Variants in S100A13 observed in about 807,000 individuals in gnomAD.
S100A13 encodes protein S100-A13.
S100A13 carries 6 observed loss-of-function variants against 8.2 expected under a neutral mutation model. That is an observed-to-expected ratio of 0.73 (90% CI 0.40 to 1.44). The LOEUF is 1.44. S100A13 is among the 40% of genes most tolerant of loss of function. The pLI, the probability that S100A13 is intolerant of heterozygous loss-of-function variation, is 0.02. For synonymous variants in S100A13, 39 were observed against 45.9 expected (o/e 0.85, Z 0.61); for missense variants, 114 against 113.6 (o/e 1.00, Z -0.02).
upstream of S100A13, chr1:153,632,957 G>A (rs1166114978): frequency 1.3e-5 from 2 of 152,040 alleles, no homozygotes; most frequent in African/African-American, 2.4e-5. Flanking sequence ...ATCACTTGAG[G>A]TCAGGAGTTG....
At chr1:153,630,792 C>G (rs533528515), upstream of S100A13, 1 of 1,282,828 alleles carries the variant, frequency 7.8e-7, no homozygotes, top group East Asian at 2.5e-5. Flanking sequence ...CCAGGCTTCT[C>G]TCCTGGGTTT....
At chr1:153,628,240 G>C, upstream of S100A13, 1 of 1,541,108 alleles carries the variant, frequency 6.5e-7, no homozygotes, top group East Asian at 2.4e-5. Flanking sequence ...ACTGCTGCCT[G>C]GAGAGAAAGG....
chr1:153,628,286 C>T (rs1033876069), upstream of S100A13: 13 of 1,515,628 alleles, frequency 8.6e-6, no homozygotes, highest in Middle Eastern at 2.0e-4. Context: ...AGACAAGGGC[C>T]GCCTGTTCCA....
upstream of S100A13, chr1:153,634,033 A>G (rs1229081654): frequency 6.6e-6 from 1 of 152,598 alleles, no homozygotes; most frequent in African/African-American, 2.4e-5. Flanking sequence ...AATTGCGTAG[A>G]CGCCATTTTA....
At chr1:153,621,240 C>A (rs1175315581) in intron 2 of S100A13, among the ~76,000 whole-genome samples, 4 of 151,442 alleles carry the variant, frequency 2.6e-5, no homozygotes, top group African/African-American at 9.7e-5. Flanking sequence ...CACTGCAACC[C>A]CCACCTTCTG....
rs1250723446 is a variant in S100A13, at chr1:153,626,487, C to T, written c.-15G>A. 6.2e-7 allele frequency: 1 copy of T among 1,613,618 alleles called. No homozygotes were observed. Among genetic ancestry groups the T allele is most frequent in the South Asian group, 1.1e-5 (1 of 91,048 alleles). On this transcript the variant is annotated 5_prime_UTR_variant, in exon 2 of 3. Coordinates refer to ENST00000476133, the MANE Select transcript of S100A13 (RefSeq NM_001024211.2). ...TCTGCTGCCATTAGGACCCTGAGGC[C>T]AAAGCTGATGTCCTCAAGGGGCTAG...
intron 2 of S100A13, among the ~76,000 whole-genome samples, chr1:153,622,356 G>C (rs895339738): frequency 6.6e-6 from 1 of 152,174 alleles, no homozygotes; most frequent in African/African-American, 2.4e-5. Context: ...GGGTGAAAGA[G>C]CAAGATCCTT....
chr1:153,621,289 T>TG (rs1667229347), intron 2 of S100A13, among the ~76,000 whole-genome samples: 1 of 151,696 alleles, frequency 6.6e-6, no homozygotes, highest in South Asian at 2.1e-4. Context: ...CCCGAGGAGC[T>TG]GGGATTATAG....
upstream of S100A13, chr1:153,628,394 G>C (rs540249948): frequency 6.5e-7 from 1 of 1,549,804 alleles, no homozygotes; most frequent in Non-Finnish European, 8.7e-7. Flanking sequence ...GTCAGCGGGG[G>C]AGGGACTGTT....
At chr1:153,620,791 A>G (rs1667194160) in intron 2 of S100A13, among the ~76,000 whole-genome samples, 1 of 152,104 alleles carries the variant, frequency 6.6e-6, no homozygotes, top group African/African-American at 2.4e-5. Flanking sequence ...GAGGCCAGGC[A>G]TGGTGGCTCA....
rs367630492 is a variant in S100A13 at position 153,618,994 on chromosome 1, A to T, written c.198T>A (p.Asn66Lys). 2.2e-5 allele frequency: 36 copies of T among 1,613,766 alleles called. No homozygotes were observed. The highest frequency in any genetic ancestry group is 2.9e-5 in the Non-Finnish European group (34 of 1,179,844). Residue 66 changes from asparagine to lysine, a missense_variant, in exon 3 of 3, where the codon AAT becomes AAA. Transcript: ENST00000476133. Reference sequence around the variant, plus strand: ...CATTGAACTTGAGCTCCGAGTCCTGATTCACATCCAAGCTCTTCATCTTCT... The same window carrying T: ...CATTGAACTTGAGCTCCGAGTCCTGTTTCACATCCAAGCTCTTCATCTTCT... ...LDEKMKSLDV[N>K]QDSELKFNEY...
upstream of S100A13, among the ~76,000 whole-genome samples, chr1:153,633,477 C>G (rs530505629): frequency 1.3e-4 from 13 of 100,962 alleles, no homozygotes; most frequent in East Asian, 5.0e-3. Flanking sequence ...GGTGCCCCAC[C>G]CCAAGAAGGA....
chr1:153,628,068 G>A (rs1406168021), upstream of S100A13: 2 of 1,550,410 alleles, frequency 1.3e-6, no homozygotes, highest in Non-Finnish European at 8.7e-7. Flanking sequence ...TCTCAGTGAG[G>A]CCCCATGGAG....
Position 153,618,825 on chromosome 1 carries a change from T to C in S100A13, c.*70A>G. ...TTGTGTTTCAAGGAGGAAGCTTTAT[T>C]TGGGAAGAGTGCGGTTCTGCTCGGC... On this transcript the variant is annotated 3_prime_UTR_variant, in exon 3 of 3. Coordinates refer to ENST00000476133, the MANE Select transcript of S100A13 (RefSeq NM_001024211.2). The C allele has an allele frequency of 1.4e-6, 2 of 1,439,972 alleles. No individual in the cohort carries two copies. Among genetic ancestry groups the C allele is most frequent in the Admixed American group, 2.0e-5 (1 of 49,116 alleles). 89.2% of individuals were successfully genotyped at this position (1,439,972 alleles called of 1,614,324 possible).
At chr1:153,628,036 C>CT (rs774249451), upstream of S100A13, 21 of 1,550,268 alleles carry the variant, frequency 1.4e-5, no homozygotes, top group African/African-American at 2.7e-4. Flanking sequence ...ACTCCCAAGA[C>CT]TAAGTTTCTC....
At chr1:153,631,699 C>T (rs1161808691), upstream of S100A13, 10 of 1,614,034 alleles carry the variant, frequency 6.2e-6, no homozygotes, top group African/African-American at 1.3e-4. Flanking sequence ...CCACCACAGG[C>T]CCAGAAGGAT....
upstream of S100A13, chr1:153,631,448 G>C: frequency 1.9e-6 from 3 of 1,565,066 alleles, no homozygotes; most frequent in Non-Finnish European, 1.7e-6. Flanking sequence ...TCCTAGTGTA[G>C]TGCTTGCTTT....
chr1:153,633,728 A>G (rs1668169676), upstream of S100A13, among the ~76,000 whole-genome samples: 1 of 152,242 alleles, frequency 6.6e-6, no homozygotes, highest in African/African-American at 2.4e-5. Context: ...AAGTCCGCGT[A>G]AAGATTTTTA....
At position 153,626,248 on chromosome 1, in the gene S100A13, C is replaced by A. The variant is rs1057347038; in HGVS notation, c.153+72G>T. On this transcript the variant is annotated intron_variant, in intron 2 of 2. Coordinates refer to ENST00000476133, the MANE Select transcript of S100A13 (RefSeq NM_001024211.2). ...CTTGTGGTCACCTCACCGTACTCGG[C>A]ACCATCACGTCCTAAACACAGTGTC... is the stretch of plus-strand genomic sequence containing the variant. The A allele has an allele frequency of 3.6e-6, 5 of 1,396,898 alleles. No homozygotes were observed. In the African/African-American group the frequency reaches 5.6e-5, roughly 16 times the overall value. The allele number at this position is 1,396,898 out of a possible 1,614,324, so 86.5% of individuals were successfully genotyped here. A position where few individuals can be genotyped will look rare whatever the true frequency, so the allele number is the denominator to read the frequency against.
Sources: allele counts gnomAD v4.1 joint callset (sites outside exome capture counted in the v4.1 genomes callset), GRCh38; gene constraint gnomAD v4.1.1; transcripts MANE v1.5; gene names NCBI Gene and HGNC (gene_info 2026-07-23, HGNC 2026-07-21).